The following ZNF718 variants were observed in gnomAD, a reference collection of about 807,000 sequenced individuals.
ZNF718 encodes zinc finger protein 718.
In ZNF718, 3 loss-of-function variants were observed where a neutral mutation model predicts 2.6. That is an observed-to-expected ratio of 1.16 (90% CI 0.53 to 3.01). The LOEUF is 3.01. ZNF718 is among the 30% of genes most tolerant of loss of function. The pLI is 0.03. For missense variants in ZNF718, 468 were observed against 230.0 expected, an observed-to-expected ratio of 2.03 and a Z score of -6.69; for synonymous variants, 135 against 77.9, an observed-to-expected ratio of 1.73 and a Z score of -3.86.
intron 3 of ZNF718, among the ~76,000 whole-genome samples, chr4:136,118 T>C (rs899733987): frequency 6.6e-6 from 1 of 152,164 alleles, no homozygotes; most frequent in Non-Finnish European, 1.5e-5. Context: ...AAGATTAAAT[T>C]TCCTTGAGGA....
intron 3 of ZNF718, among the ~76,000 whole-genome samples, chr4:175,874 T>TTG (rs1382700595): frequency 6.7e-6 from 1 of 148,330 alleles, no homozygotes; most frequent in African/African-American, 2.5e-5. Flanking sequence ...TTTTTTTTTT[T>TTG]GAGATGGAGT....
intron 3 of ZNF718, among the ~76,000 whole-genome samples, chr4:197,545 C>T (rs1717816913): frequency 1.3e-5 from 2 of 152,098 alleles, no homozygotes; most frequent in African/African-American, 4.8e-5. Flanking sequence ...CTCTGGGGCC[C>T]TGGGGTGGAA....
At chr4:184,790 T>C (rs1402402945) in intron 3 of ZNF718, among the ~76,000 whole-genome samples, 1 of 152,196 alleles carries the variant, frequency 6.6e-6, no homozygotes, top group African/African-American at 2.4e-5. Context: ...TCTTCTAGTT[T>C]ATATGTGTAG....
At chr4:190,495 G>A (rs1408620506) in intron 3 of ZNF718, among the ~76,000 whole-genome samples, 1 of 149,438 alleles carries the variant, frequency 6.7e-6, no homozygotes, top group Non-Finnish European at 1.5e-5. Flanking sequence ...TATTAATAAT[G>A]TGGAAGAAAC....
chr4:173,047 AAAAT>A (rs782757758), intron 3 of ZNF718, among the ~76,000 whole-genome samples: 18 of 152,046 alleles, frequency 1.2e-4, no homozygotes, highest in Non-Finnish European at 2.5e-4. Context: ...CCATCTTAAA[AAAAT>A]AAATAAAATA....
intron 3 of ZNF718, among the ~76,000 whole-genome samples, chr4:171,722 A>G (rs145149246): frequency 0.018 from 2,705 of 152,184 alleles, 49 homozygotes; most frequent in African/African-American, 0.044. Flanking sequence ...GAATGACCCA[A>G]TTTTCCAGGT....
intron 3 of ZNF718, among the ~76,000 whole-genome samples, chr4:198,734 T>C (rs566946890): frequency 1.3e-5 from 2 of 152,196 alleles, no homozygotes; most frequent in Non-Finnish European, 2.9e-5. Context: ...GGAAAAGATG[T>C]TAGAATGCTG....
At chr4:138,381 C>T (rs1448029721) in intron 3 of ZNF718, among the ~76,000 whole-genome samples, 4 of 152,110 alleles carry the variant, frequency 2.6e-5, no homozygotes, top group South Asian at 2.1e-4. Flanking sequence ...GAACATGCAA[C>T]GTTTGCCTTC....
At chr4:196,325 G>A (rs1218851872) in intron 3 of ZNF718, among the ~76,000 whole-genome samples, 2 of 152,180 alleles carry the variant, frequency 1.3e-5, no homozygotes, top group African/African-American at 4.8e-5. Context: ...CCCATGTCAA[G>A]AGCTGTATGC....
rs924659358 is a variant in ZNF718 at position 155,311 on chromosome 4, C to T, written c.227-5601C>T. ...GAAGCAGGCCACTGTCCTCCAGGCC[C>T]CAGAATGATAGATCCACTGATAGCT... On this transcript the variant is annotated intron_variant, in intron 3 of 3. Transcript: ENST00000510175. Among the ~76,000 whole-genome samples, 3 of 152,188 alleles carry T rather than the reference C, an allele frequency of 2.0e-5. No homozygotes were observed. The South Asian group carries it at 6.2e-4, about 32-fold the overall frequency.
chr4:133,193 AAAATATATATATATAT>A (rs1373365252), intron 3 of ZNF718, among the ~76,000 whole-genome samples: 237 of 20,384 alleles, frequency 0.012, 17 homozygotes, highest in Non-Finnish European at 0.02. Context: ...AAAAAAAAAA[AAAATATATATATATAT>A]ATATATATAT....
downstream of ZNF718, among the ~76,000 whole-genome samples, chr4:166,221 G>A (rs570046583): frequency 1.3e-5 from 2 of 152,284 alleles, no homozygotes; most frequent in Admixed American, 1.3e-4. Context: ...TGGTGTATAT[G>A]TGCCACATTT....
At position 131,450 on chromosome 4, in the gene ZNF718, GC is replaced by G; in HGVS notation, c.172del (p.Gln58LysfsTer8). 1 of 530,388 alleles carries G rather than the reference GC, an allele frequency of 1.9e-6. No homozygotes were observed. The allele number at this position is 530,388 out of a possible 1,614,324, so 32.9% of individuals were successfully genotyped here. A position where few individuals can be genotyped will look rare whatever the true frequency, so the allele number is the denominator to read the frequency against. On this transcript the variant is annotated frameshift_variant, in exon 3 of 4. Coordinates refer to ENST00000510175, the MANE Select transcript of ZNF718 (RefSeq NM_001039127.6). LOFTEE classifies it high-confidence loss of function. ...SNPDLVTSLE[Q>X]RKEPYNLKIH... is the part of the protein sequence containing the mutation. Reference sequence around the variant, plus strand: ...ACCCAGACCTGGTCACCAGTCTGGAGCAAAGAAAAGAGCCCTACAATTTGAA... The same window carrying G: ...ACCCAGACCTGGTCACCAGTCTGGAGAAAGAAAAGAGCCCTACAATTTGAA...
At position 162,025 on chromosome 4, in the gene ZNF718, T is replaced by C. The variant is rs781964713; in HGVS notation, c.1340T>C (p.Val447Ala). The C allele has an allele frequency of 1.4e-5, 11 of 777,936 alleles. No individual in the cohort carries two copies. The highest frequency in any genetic ancestry group is 2.4e-5 in the Non-Finnish European group (10 of 416,442). 48.2% of individuals were successfully genotyped at this position (777,936 alleles called of 1,614,324 possible). A position where few individuals can be genotyped will look rare whatever the true frequency, so the allele number is the denominator to read the frequency against. The stretch of plus-strand genomic sequence containing the variant: ...AATAAACATAAGAAAATTCACACTG[T>C]AGATAAACCCTACAAATGTAAAGAA... ...HLNKHKKIHT[V>A]DKPYKCKECG... Residue 447 changes from valine (V) to alanine (A), a missense_variant, in exon 4 of 4, where the codon GTA becomes GCA. Transcript: ENST00000510175.
intron 3 of ZNF718, among the ~76,000 whole-genome samples, chr4:142,363 T>C (rs536674100): frequency 6.6e-6 from 1 of 152,322 alleles, no homozygotes; most frequent in African/African-American, 2.4e-5. Flanking sequence ...CAGCCAGCCT[T>C]ATATATGGAT....
chr4:139,601 A>G (rs1271748208), intron 3 of ZNF718, among the ~76,000 whole-genome samples: 1 of 152,154 alleles, frequency 6.6e-6, no homozygotes, highest in Non-Finnish European at 1.5e-5. Context: ...TGTGGAGTGT[A>G]TTTTCATTTT....
chr4:189,086 G>A (rs1553820786), intron 3 of ZNF718, among the ~76,000 whole-genome samples: 1 of 128,732 alleles, frequency 7.8e-6, no homozygotes, highest in Non-Finnish European at 1.6e-5. Flanking sequence ...TTGAGATGGA[G>A]TTTTGTTCTT....
At chr4:187,217 TTTTTTGTTTTTG>T (rs1242109651) in intron 3 of ZNF718, among the ~76,000 whole-genome samples, 72 of 152,136 alleles carry the variant, frequency 4.7e-4, no homozygotes, top group African/African-American at 1.7e-3. Flanking sequence ...TTTTGGGGTT[TTTTTTGTTTTTG>T]TTTTTGTTTT....
chr4:184,308 A>AT (rs1717522715), intron 3 of ZNF718, among the ~76,000 whole-genome samples: 2 of 152,154 alleles, frequency 1.3e-5, no homozygotes, highest in African/African-American at 4.8e-5. Flanking sequence ...GATGAACCAC[A>AT]TATATCGATT....
Sources: gnomAD v4.1 joint callset for allele counts (sites outside exome capture counted in the v4.1 genomes callset) on GRCh38, gnomAD v4.1.1 for gene constraint, MANE v1.5 for transcripts, NCBI Gene and HGNC (gene_info 2026-07-23, HGNC 2026-07-21) for gene names.